The following NOCT variants were observed in gnomAD, a reference collection of about 807,000 sequenced individuals.
NOCT encodes the protein nocturnin, also known as CCR4 carbon catabolite repression 4-like.
NOCT carries 18 observed loss-of-function variants against 35.0 expected under a neutral mutation model. The ratio of observed to expected loss-of-function variants is 0.51; its 90% confidence interval spans 0.36 to 0.76. NOCT has a LOEUF of 0.76. NOCT is among the 30% of genes least tolerant of loss of function. The pLI is 0.01. For synonymous variants in NOCT, 235 were observed against 226.3 expected (o/e 1.04, Z -0.34); for missense variants, 479 against 541.0 (o/e 0.89, Z 1.14).
intron 1 of NOCT, among the ~76,000 whole-genome samples, chr4:139,019,216 G>A (rs191554447): frequency 7.9e-5 from 12 of 152,122 alleles, no homozygotes; most frequent in East Asian, 5.8e-4. Flanking sequence ...CCACTGTGCC[G>A]GGCTAATTTT....
At chr4:139,027,592 C>T (rs1043775070) in intron 1 of NOCT, among the ~76,000 whole-genome samples, 5 of 151,400 alleles carry the variant, frequency 3.3e-5, no homozygotes, top group African/African-American at 7.3e-5. Flanking sequence ...CTCCGCCTCC[C>T]GGGTTCACTC....
chr4:139,043,342 AG>A lies in NOCT; in HGVS notation c.460+1del. The A allele has an allele frequency of 6.2e-7, 1 of 1,612,226 alleles. No individual in the cohort carries two copies. The highest frequency in any genetic ancestry group is 1.1e-5 in the South Asian group (1 of 91,046). On this transcript the variant is annotated frameshift_variant and splice_region_variant, in exon 2 of 3. Coordinates refer to ENST00000280614, the MANE Select transcript of NOCT (RefSeq NM_012118.4). LOFTEE classifies it high-confidence loss of function. ...TTATGCAATGGAACATCCTCGCCCA[AG>A]GTATGCTGGATGCTTTTGTGCCTCT... ...RVMQWNILAQ[A>X]LGEGKDNFVQ...
chr4:139,038,284 TGG>T (rs1726770944), intron 1 of NOCT, among the ~76,000 whole-genome samples: 1 of 152,106 alleles, frequency 6.6e-6, no homozygotes, highest in Admixed American at 6.6e-5. Context: ...GTCATAGAAC[TGG>T]GACTAGAATT....
intron 1 of NOCT, among the ~76,000 whole-genome samples, chr4:139,024,510 T>C (rs1726477549): frequency 6.6e-6 from 1 of 152,220 alleles, no homozygotes. Context: ...TCTCGTACTT[T>C]AAATATATCA....
chr4:139,043,351 G>A lies in NOCT; in HGVS notation c.460+8G>A, dbSNP rs1726872398. On this transcript the variant is annotated splice_region_variant and intron_variant, in intron 2 of 2. Coordinates refer to ENST00000280614, the MANE Select transcript of NOCT (RefSeq NM_012118.4). ...GGAACATCCTCGCCCAAGGTATGCT[G>A]GATGCTTTTGTGCCTCTGCAGTCAA... 2 of 1,610,230 alleles carry A rather than the reference G, an allele frequency of 1.2e-6. No individual in the cohort carries two copies. The highest frequency in any genetic ancestry group is 1.7e-6 in the Non-Finnish European group (2 of 1,176,928).
chr4:139,018,852 C>T (rs1726361826), intron 1 of NOCT, among the ~76,000 whole-genome samples: 1 of 152,122 alleles, frequency 6.6e-6, no homozygotes, highest in African/African-American at 2.4e-5. Flanking sequence ...AAATGGGTGG[C>T]ATTTCAGCTG....
At chr4:139,017,541 A>G (rs1426645862) in intron 1 of NOCT, among the ~76,000 whole-genome samples, 3 of 150,322 alleles carry the variant, frequency 2.0e-5, no homozygotes, top group Admixed American at 2.0e-4. Context: ...ATAAAATTTA[A>G]AAAAATAGGC....
At chr4:139,028,831 T>C (rs1726573010) in intron 1 of NOCT, among the ~76,000 whole-genome samples, 1 of 152,098 alleles carries the variant, frequency 6.6e-6, no homozygotes, top group South Asian at 2.1e-4. Context: ...ATAATAGCCT[T>C]CTCTTTTTGT....
In NOCT at chr4:139,042,071, C is replaced by CTTTTTT. The variant is rs368776726; in HGVS notation, c.191-988_191-983dup. Among the ~76,000 whole-genome samples the CTTTTTT allele has an allele frequency of 4.4e-4, 48 of 108,734 alleles. 1 individual carries two copies. Among genetic ancestry groups the CTTTTTT allele is most frequent in the South Asian group, 1.0e-3 (3 of 3,012 alleles). The allele number at this position is 108,734 out of a possible 152,430, so 71.3% of individuals were successfully genotyped here. A position where few individuals can be genotyped will look rare whatever the true frequency, so the allele number is the denominator to read the frequency against. ...CTTTTTACAAACTAGTCTTTAAGAT[C>CTTTTTT]TTTTTTTTTTTTTTTTTTTTGAGTC... is the stretch of plus-strand genomic sequence containing the variant. On this transcript the variant is annotated intron_variant, in intron 1 of 2. Coordinates refer to ENST00000280614, the MANE Select transcript of NOCT (RefSeq NM_012118.4).
At chr4:139,039,077 C>G (rs916666321) in intron 1 of NOCT, among the ~76,000 whole-genome samples, 1 of 150,896 alleles carries the variant, frequency 6.6e-6, no homozygotes, top group African/African-American at 2.4e-5. Context: ...TGGCTCATGC[C>G]TGTAATCCCA....
chr4:139,015,849 T>C lies in NOCT; in HGVS notation c.-133T>C. 1 of 683,496 alleles carries C rather than the reference T, an allele frequency of 1.5e-6. No individual in the cohort carries two copies. The highest frequency in any genetic ancestry group is 2.0e-6 in the Non-Finnish European group (1 of 495,592). 42.3% of individuals were successfully genotyped at this position (683,496 alleles called of 1,614,324 possible). On this transcript the variant is annotated 5_prime_UTR_variant, in exon 1 of 3. Coordinates refer to ENST00000280614, the MANE Select transcript of NOCT (RefSeq NM_012118.4). ...TGCTGCCCGGGATTTCCCCAGAACCTGCGCCGCGCGAGAAGGAGCCTGGGA... is the reference window on the plus strand; with the variant it reads ...TGCTGCCCGGGATTTCCCCAGAACCCGCGCCGCGCGAGAAGGAGCCTGGGA...
chr4:139,029,861 C>T (rs571022166), intron 1 of NOCT, among the ~76,000 whole-genome samples: 17 of 152,198 alleles, frequency 1.1e-4, no homozygotes, highest in African/African-American at 3.4e-4. Context: ...CTGATGGGTG[C>T]GCACACCACA....
At chr4:139,030,947 C>T (rs898052920) in intron 1 of NOCT, among the ~76,000 whole-genome samples, 1 of 152,124 alleles carries the variant, frequency 6.6e-6, no homozygotes, top group African/African-American at 2.4e-5. Context: ...TTCCCAGGTG[C>T]GTACTCAAGA....
chr4:139,036,642 G>A (rs1726743485), intron 1 of NOCT, among the ~76,000 whole-genome samples: 1 of 152,116 alleles, frequency 6.6e-6, no homozygotes, highest in Non-Finnish European at 1.5e-5. Context: ...ATGAATTCAT[G>A]AGTATTAATC....
rs1432559496 is a variant in NOCT at position 139,045,864 on chromosome 4, G to A, written c.*390G>A. ...TATCATTTCATTTTCTGCGTTTCCAGCATGCCCTTGGAAAAGACTCCCTTT... is the reference window on the plus strand; with the variant it reads ...TATCATTTCATTTTCTGCGTTTCCAACATGCCCTTGGAAAAGACTCCCTTT... On this transcript the variant is annotated 3_prime_UTR_variant, in exon 3 of 3. Coordinates refer to ENST00000280614, the MANE Select transcript of NOCT (RefSeq NM_012118.4). 1 of 156,880 alleles carries A rather than the reference G, an allele frequency of 6.4e-6. No homozygotes were observed. The highest frequency in any genetic ancestry group is 1.4e-5 in the Non-Finnish European group (1 of 71,146). 9.7% of individuals were successfully genotyped at this position (156,880 alleles called of 1,614,324 possible). A position where few individuals can be genotyped will look rare whatever the true frequency, so the allele number is the denominator to read the frequency against.
chr4:139,045,109 A>T lies in NOCT; in HGVS notation c.931A>T (p.Ile311Phe). The change falls in exon 3 of 3, where the codon ATC becomes TTC. Residue 311 changes from isoleucine (I) to phenylalanine (F), a missense_variant. Physicochemically the swap from Ile to Phe is conservative, Grantham distance 21. This residue lies in a region of NOCT where 214 missense variants were observed against 284.0 expected (regional missense o/e 0.75). Transcript: ENST00000280614. The part of the protein sequence containing the change: ...GCDLLQNLQN[I>F]TQGAKIPLIV... ...TGACCTCCTTCAGAACCTGCAAAAC[A>T]TCACCCAAGGAGCCAAGATTCCCCT... The T allele has an allele frequency of 6.2e-7, 1 of 1,614,146 alleles. No homozygotes were observed.
chr4:139,038,114 C>T (rs1239906940), intron 1 of NOCT, among the ~76,000 whole-genome samples: 1 of 151,698 alleles, frequency 6.6e-6, no homozygotes, highest in Non-Finnish European at 1.5e-5. Flanking sequence ...GAAGGAGAGT[C>T]GCTTGAGCCT....
Position 139,024,564 on chromosome 4 carries a change from G to C in NOCT, c.190+8393G>C, listed in dbSNP as rs1287933923. Among the ~76,000 whole-genome samples, 4 of 152,146 alleles carry C rather than the reference G, an allele frequency of 2.6e-5. No homozygotes were observed. In the South Asian group the frequency reaches 6.2e-4, roughly 24 times the overall value. On this transcript the variant is annotated intron_variant, in intron 1 of 2. Coordinates refer to ENST00000280614, the MANE Select transcript of NOCT (RefSeq NM_012118.4). ...TTCTCCTTTAGGCCTCTTTCCTGGA[G>C]AGGAAGGGAGTTTTGCATGTTGTTT... is the stretch of plus-strand genomic sequence containing the variant.
chr4:139,043,120 CAA>C lies in NOCT; in HGVS notation c.238_239del (p.Lys80AspfsTer18). On this transcript the variant is annotated frameshift_variant, in exon 2 of 3. Coordinates refer to ENST00000280614, the MANE Select transcript of NOCT (RefSeq NM_012118.4). LOFTEE classifies it high-confidence loss of function. ...CAAGCAGACTCTATAGTGCTCTCGC[CAA>C]GACACTGAACAGCAGCGCTGCCTCC... ...GTSRLYSALA[K>X]TLNSSAASQH... 3 of 1,613,788 alleles carry C rather than the reference CAA, an allele frequency of 1.9e-6. No homozygotes were observed. The highest frequency in any genetic ancestry group is 2.5e-6 in the Non-Finnish European group (3 of 1,179,782).
Sources: allele counts gnomAD v4.1 joint callset (sites outside exome capture counted in the v4.1 genomes callset), GRCh38; gene constraint gnomAD v4.1.1; regional missense constraint gnomAD v4.1.1; transcripts MANE v1.5; gene names NCBI Gene and HGNC (gene_info 2026-07-23, HGNC 2026-07-21).